Variants in ACTR3B observed in about 807,000 individuals in gnomAD.
The protein encoded by ACTR3B is actin related protein 3B.
Under a neutral mutation model 59.0 loss-of-function variants are expected in ACTR3B, and 8 were observed. The observed-to-expected ratio is 0.14, with a 90% CI of 0.08 to 0.24. ACTR3B has a LOEUF of 0.24. Among genes scored for constraint, ACTR3B ranks in the 10% least tolerant of loss-of-function variants. The pLI is 1.00. For missense variants in ACTR3B, 245 were observed against 552.3 expected, an observed-to-expected ratio of 0.44 and a Z score of 5.58; for synonymous variants, 148 against 197.9, an observed-to-expected ratio of 0.75 and a Z score of 2.12.
intron 9 of ACTR3B, among the ~76,000 whole-genome samples, chr7:152,834,384 C>T (rs1181178995): frequency 1.3e-5 from 2 of 152,174 alleles, no homozygotes; most frequent in Non-Finnish European, 2.9e-5. Flanking sequence ...GAACTCCTGA[C>T]CTCAGGTGAT....
chr7:152,814,540 T>G lies in ACTR3B; in HGVS notation c.337-10T>G, dbSNP rs773669794. 5.7e-6 allele frequency: 9 copies of G among 1,584,564 alleles called. No homozygotes were observed. Among genetic ancestry groups the G allele is most frequent in the Admixed American group, 1.7e-5 (1 of 58,664 alleles). Reference sequence around the variant, plus strand: ...GGTAAACACTAAATATAGTGAATGTTTTCTTACAGACAGAACCTCCACTCA... The same window carrying G: ...GGTAAACACTAAATATAGTGAATGTGTTCTTACAGACAGAACCTCCACTCA... On this transcript the variant is annotated splice_polypyrimidine_tract_variant and intron_variant, in intron 4 of 11. Coordinates refer to ENST00000256001, the MANE Select transcript of ACTR3B (RefSeq NM_020445.6).
At chr7:152,808,931 G>A (rs1158641158) in intron 4 of ACTR3B, among the ~76,000 whole-genome samples, 1 of 152,160 alleles carries the variant, frequency 6.6e-6, no homozygotes, top group African/African-American at 2.4e-5. Context: ...TCGACAGGAG[G>A]TAGCTTAAGA....
At chr7:152,843,866 TTAG>T (rs1463679710) in intron 9 of ACTR3B, among the ~76,000 whole-genome samples, 1 of 152,092 alleles carries the variant, frequency 6.6e-6, no homozygotes, top group Non-Finnish European at 1.5e-5. Context: ...TACACACTAT[TTAG>T]TAGTAAAGGG....
chr7:152,800,597 A>G lies in ACTR3B; in HGVS notation c.167A>G (p.Asp56Gly), dbSNP rs768311960. The G allele has an allele frequency of 3.1e-6, 5 of 1,614,064 alleles. No individual in the cohort carries two copies. The highest frequency in any genetic ancestry group is 4.2e-6 in the Non-Finnish European group (5 of 1,180,020). The change falls in exon 3 of 12, where the codon GAT becomes GGT. Residue 56 changes from aspartate to glycine, a missense_variant. Physicochemically the swap from Asp to Gly is moderately conservative, Grantham distance 94. This residue lies in a region of ACTR3B where 11 missense variants were observed against 82.1 expected (regional missense o/e 0.13). Transcript: ENST00000256001. ...CAAAGGAGAGTGTTGAGGGGAGTTG[A>G]TGACCTTGACTTTTTCATAGGAGAT... ...QAQRRVLRGV[D>G]DLDFFIGDEA... is the part of the protein sequence containing the mutation.
intron 1 of ACTR3B, among the ~76,000 whole-genome samples, chr7:152,779,754 T>G (rs2098145885): frequency 1.3e-5 from 2 of 152,210 alleles, no homozygotes; most frequent in South Asian, 2.1e-4. Context: ...TGACATCTAC[T>G]GAGTTATATT....
intron 9 of ACTR3B, among the ~76,000 whole-genome samples, chr7:152,837,252 T>G (rs1251715431): frequency 6.6e-6 from 1 of 152,228 alleles, no homozygotes; most frequent in African/African-American, 2.4e-5. Flanking sequence ...AGGTACAGAA[T>G]TATTAGAGTA....
At chr7:152,795,065 C>T (rs2098211742) in intron 2 of ACTR3B, among the ~76,000 whole-genome samples, 1 of 147,236 alleles carries the variant, frequency 6.8e-6, no homozygotes, top group African/African-American at 2.5e-5. Context: ...GATGGAGTCT[C>T]ACTTTGTCAC....
chr7:152,796,925 C>G (rs190556561), intron 2 of ACTR3B, among the ~76,000 whole-genome samples: 1 of 113,196 alleles, frequency 8.8e-6, no homozygotes, highest in Non-Finnish European at 1.6e-5. Context: ...ACCGTGTTGC[C>G]GAGACTGATC....
intron 4 of ACTR3B, among the ~76,000 whole-genome samples, chr7:152,805,821 G>A (rs1481526973): frequency 2.0e-5 from 3 of 152,220 alleles, no homozygotes; most frequent in South Asian, 2.1e-4. Context: ...CTCCTATCTC[G>A]CTTCCTTGAG....
At chr7:152,813,224 AG>A (rs1179165625) in intron 4 of ACTR3B, 23 of 119,490 alleles carry the variant, frequency 1.9e-4, no homozygotes, top group Non-Finnish European at 3.1e-4. Context: ...AACTGGAGGT[AG>A]GGGGAGCACA....
At chr7:152,780,059 A>T (rs1376083400) in intron 1 of ACTR3B, among the ~76,000 whole-genome samples, 1 of 152,186 alleles carries the variant, frequency 6.6e-6, no homozygotes, top group Non-Finnish European at 1.5e-5. Flanking sequence ...TTGTTAACAC[A>T]TAAGAATATT....
intron 9 of ACTR3B, among the ~76,000 whole-genome samples, chr7:152,841,488 A>G (rs1797866598): frequency 6.6e-6 from 1 of 151,484 alleles, no homozygotes; most frequent in Non-Finnish European, 1.5e-5. Context: ...CTTAAATAGT[A>G]AAGGGTTTGT....
At chr7:152,764,514 G>T (rs1187778783) in intron 1 of ACTR3B, among the ~76,000 whole-genome samples, 2 of 151,882 alleles carry the variant, frequency 1.3e-5, no homozygotes, top group Non-Finnish European at 2.9e-5. Flanking sequence ...CACACTGGTG[G>T]GCTAATTTTA....
At chr7:152,763,300 C>T (rs1484721361) in intron 1 of ACTR3B, among the ~76,000 whole-genome samples, 8 of 102,616 alleles carry the variant, frequency 7.8e-5, no homozygotes, top group South Asian at 3.5e-4. Context: ...GGTGACAGAG[C>T]GAGACTCCAT....
rs2098143861 is a variant in ACTR3B, at chr7:152,779,164, C to T, written c.45-4023C>T. ...GTGGCGTAGTTGAGGTCAGTGAGTT[C>T]TAAGCTGGTTGACCACCAGAACCAT... On this transcript the variant is annotated intron_variant, in intron 1 of 11. Coordinates refer to ENST00000256001, the MANE Select transcript of ACTR3B (RefSeq NM_020445.6). 2.0e-5 allele frequency among the ~76,000 whole-genome samples: 3 copies of T among 151,994 alleles called. No individual in the cohort carries two copies. The South Asian group carries it at 6.2e-4, about 31-fold the overall frequency.
At chr7:152,803,909 C>T (rs931077100) in intron 4 of ACTR3B, among the ~76,000 whole-genome samples, 8 of 152,118 alleles carry the variant, frequency 5.3e-5, no homozygotes, top group Non-Finnish European at 7.4e-5. Flanking sequence ...AAATTTCCTT[C>T]AGGTATTTGT....
At chr7:152,801,026 A>C (rs1292160899) in intron 3 of ACTR3B, among the ~76,000 whole-genome samples, 4 of 152,414 alleles carry the variant, frequency 2.6e-5, no homozygotes, top group African/African-American at 9.6e-5. Flanking sequence ...TTAAAGCTCC[A>C]GATCCAATTG....
At chr7:152,811,480 T>C (rs1211083560) in intron 4 of ACTR3B, 2 of 152,192 alleles carry the variant, frequency 1.3e-5, no homozygotes, top group African/African-American at 2.4e-5. Context: ...TATGGCATGC[T>C]ACTGTGTGAC....
In ACTR3B at chr7:152,854,479, C is replaced by T; in HGVS notation, c.1183C>T (p.His395Tyr). 1 of 1,614,058 alleles carries T rather than the reference C, an allele frequency of 6.2e-7. No homozygotes were observed. The highest frequency in any genetic ancestry group is 8.5e-7 in the Non-Finnish European group (1 of 1,180,010). The change falls in exon 12 of 12, where the codon CAC becomes TAC. Residue 395 changes from histidine to tyrosine, a missense_variant. Physicochemically the swap from His to Tyr is moderately conservative, Grantham distance 83 (BLOSUM62 2). Transcript: ENST00000256001. The surrounding 1 kb of genome is among the most constrained non-coding windows in gnomAD (Gnocchi z 4.9). Reference protein sequence around the residue: ...ASTPEFFQVCHTKKDYEEYGP... With the variant: ...ASTPEFFQVCYTKKDYEEYGP... ...GTAGCCCGAGTTCTTTCAGGTCTGC[C>T]ACACCAAGAAGGACTATGAAGAGTA... is the stretch of plus-strand genomic sequence containing the variant.
Sources: gnomAD v4.1 joint callset for allele counts (sites outside exome capture counted in the v4.1 genomes callset) on GRCh38, gnomAD v4.1.1 for gene constraint, gnomAD v4.1.1 regional missense constraint, Gnocchi (gnomAD v3.1) non-coding constraint, MANE v1.5 for transcripts, NCBI Gene and HGNC (gene_info 2026-07-23, HGNC 2026-07-21) for gene names.